The following FILIP1 variants were observed in gnomAD, a reference collection of about 807,000 sequenced individuals.
FILIP1 encodes the protein filamin A interacting protein 1, also known as filamin-A-interacting protein 1.
A neutral mutation model predicts 102.1 loss-of-function variants in FILIP1; 61 were observed. The observed-to-expected ratio is 0.60, with a 90% CI of 0.49 to 0.74. FILIP1 has a LOEUF of 0.74. Among genes scored for constraint, FILIP1 ranks in the 30% least tolerant of loss-of-function variants. The pLI is 0.00. For synonymous variants in FILIP1, 491 were observed against 526.9 expected (o/e 0.93, Z 0.93); for missense variants, 1,314 against 1,441.2 (o/e 0.91, Z 1.43).
Position 75,312,996 on chromosome 6 carries a change from C to T in FILIP1, c.2836G>A (p.Gly946Arg), listed in dbSNP as rs1773263417. Reference sequence around the variant, plus strand: ...ATGGTTATTCTTGGTTTCTGATTCCCTAAGGTAGGAATGACAGTGGTACTA... The same window carrying T: ...ATGGTTATTCTTGGTTTCTGATTCCTTAAGGTAGGAATGACAGTGGTACTA... ...FSSTTVIPTL[G>R]NQKPRITIIP... Residue 946 changes from glycine to arginine, a missense_variant, in exon 5 of 6, where the codon GGG becomes AGG. Gly to Arg is a moderately radical substitution (Grantham distance 125). Transcript: ENST00000237172. The T allele has an allele frequency of 2.5e-6, 4 of 1,614,086 alleles. No individual in the cohort carries two copies. The highest frequency in any genetic ancestry group is 1.7e-4 in the Middle Eastern group (1 of 6,060).
intron 6 of FILIP1, among the ~76,000 whole-genome samples, chr6:75,302,626 G>A (rs189597766): frequency 6.6e-6 from 1 of 152,142 alleles, no homozygotes; most frequent in Non-Finnish European, 1.5e-5. Context: ...TCAAGGAAGG[G>A]TGGCATGGCC....
intron 4 of FILIP1, among the ~76,000 whole-genome samples, chr6:75,326,126 T>TACAC (rs766233320): frequency 4.0e-3 from 597 of 149,642 alleles, no homozygotes; most frequent in African/African-American, 0.011. Context: ...TAGATAGATA[T>TACAC]ACACACACAC....
At chr6:75,295,938 A>G in exon 7 of FILIP1, 1 of 1,466,994 alleles carries the variant, frequency 6.8e-7, no homozygotes, top group Non-Finnish European at 9.0e-7. Flanking sequence ...TAACTGGTGA[A>G]TGATGATGCT....
chr6:75,376,391 G>C (rs1775753443), intron 2 of FILIP1, among the ~76,000 whole-genome samples: 2 of 152,104 alleles, frequency 1.3e-5, no homozygotes, highest in African/African-American at 4.8e-5. Flanking sequence ...GATTTTTCAT[G>C]GGCTAATGTA....
At chr6:75,492,645 A>G (rs1779997323) in intron 1 of FILIP1, among the ~76,000 whole-genome samples, 1 of 152,234 alleles carries the variant, frequency 6.6e-6, no homozygotes, top group Non-Finnish European at 1.5e-5. Context: ...GATTTCCTTT[A>G]CACTATAGTA....
rs188776132 is a variant in FILIP1 at position 75,349,878 on chromosome 6, A to G, written c.629+3661T>C. ...AAAGCCTCGGGGTCAGCCTCCTGCCAGCTCTCATAAGTAGATCTAATTATG... is the reference window on the plus strand; with the variant it reads ...AAAGCCTCGGGGTCAGCCTCCTGCCGGCTCTCATAAGTAGATCTAATTATG... On this transcript the variant is annotated intron_variant, in intron 4 of 5. Coordinates refer to ENST00000237172, the MANE Select transcript of FILIP1 (RefSeq NM_015687.5). Among the ~76,000 whole-genome samples the G allele has an allele frequency of 2.8e-4, 42 of 152,348 alleles. No homozygotes were observed. The East Asian group carries it at 3.9e-3, about 14-fold the overall frequency.
chr6:75,316,800 G>A (rs1773463795), intron 4 of FILIP1, among the ~76,000 whole-genome samples: 1 of 152,164 alleles, frequency 6.6e-6, no homozygotes, highest in South Asian at 2.1e-4. Context: ...ATCACTAAAT[G>A]TGGTCCTTAC....
intron 4 of FILIP1, among the ~76,000 whole-genome samples, chr6:75,333,510 A>G (rs973202711): frequency 6.6e-6 from 1 of 152,198 alleles, no homozygotes; most frequent in Admixed American, 6.5e-5. Context: ...GAATCCAGGA[A>G]GATCAATGTA....
chr6:75,441,226 C>T (rs1778207456), intron 1 of FILIP1, among the ~76,000 whole-genome samples: 1 of 151,722 alleles, frequency 6.6e-6, no homozygotes, highest in East Asian at 1.9e-4. Context: ...TAACAAAGCA[C>T]ATCTTGCACC....
At chr6:75,424,873 G>A (rs542364342) in intron 1 of FILIP1, among the ~76,000 whole-genome samples, 2 of 152,230 alleles carry the variant, frequency 1.3e-5, no homozygotes, top group East Asian at 3.9e-4. Flanking sequence ...ATGACTTCAT[G>A]TGTTCTAATC....
At chr6:75,482,610 TC>T (rs2149780228) in intron 1 of FILIP1, among the ~76,000 whole-genome samples, 2 of 152,346 alleles carry the variant, frequency 1.3e-5, no homozygotes, top group East Asian at 3.9e-4. Flanking sequence ...TAAGTCCAGC[TC>T]CCACTTAGTT....
At chr6:75,325,379 G>A (rs1487454780) in intron 4 of FILIP1, among the ~76,000 whole-genome samples, 4 of 152,122 alleles carry the variant, frequency 2.6e-5, no homozygotes, top group East Asian at 1.9e-4. Context: ...CCGAGATTGC[G>A]CCACTGCACT....
At chr6:75,380,319 A>T (rs763947120) in intron 2 of FILIP1, among the ~76,000 whole-genome samples, 8,076 of 152,194 alleles carry the variant, frequency 0.053, 291 homozygotes, top group Non-Finnish European at 0.076. Flanking sequence ...CTCAAAAGAA[A>T]AATGCCTGAA....
intron 4 of FILIP1, among the ~76,000 whole-genome samples, chr6:75,327,297 T>A (rs1167273691): frequency 6.6e-6 from 1 of 152,054 alleles, no homozygotes; most frequent in Non-Finnish European, 1.5e-5. Flanking sequence ...TCCATTGCTA[T>A]CCCCCTGGCC....
downstream of FILIP1, among the ~76,000 whole-genome samples, chr6:75,307,647 A>C (rs1167329761): frequency 2.0e-5 from 3 of 152,186 alleles, no homozygotes; most frequent in Non-Finnish European, 2.9e-5. Flanking sequence ...CATGCTTATT[A>C]AAACATGCCT....
chr6:75,401,000 G>A lies in FILIP1; in HGVS notation c.276+13697C>T, dbSNP rs551124783. 1.8e-3 allele frequency among the ~76,000 whole-genome samples: 263 copies of A among 149,454 alleles called. 2 individuals are homozygous for A. Among genetic ancestry groups the A allele is most frequent in the Non-Finnish European group, 1.6e-3 (105 of 67,048 alleles). On this transcript the variant is annotated intron_variant, in intron 2 of 5. Transcript: ENST00000237172. ...AGTTTGTACTTAACATCTATAAAGC[G>A]TTTAAGTGTCCTTTTTAAAAAAAAA...
chr6:75,352,592 C>T lies in FILIP1; in HGVS notation c.629+947G>A, dbSNP rs558372588. Reference sequence around the variant, plus strand: ...AGTTGGTTTGGTTTGTTTTTTTACCCCAAGTTTTAAAAGTTATGCAGCCCT... The same window carrying T: ...AGTTGGTTTGGTTTGTTTTTTTACCTCAAGTTTTAAAAGTTATGCAGCCCT... On this transcript the variant is annotated intron_variant, in intron 4 of 5. Coordinates refer to ENST00000237172, the MANE Select transcript of FILIP1 (RefSeq NM_015687.5). Among the ~76,000 whole-genome samples, 6 of 151,974 alleles carry T rather than the reference C, an allele frequency of 3.9e-5. No homozygotes were observed. The South Asian group carries it at 8.3e-4, about 21-fold the overall frequency.
At chr6:75,344,685 T>A (rs1236249137) in intron 4 of FILIP1, among the ~76,000 whole-genome samples, 1 of 152,254 alleles carries the variant, frequency 6.6e-6, no homozygotes, top group African/African-American at 2.4e-5. Flanking sequence ...TCTAACTGGT[T>A]GTGACCAGCA....
At chr6:75,428,379 T>C (rs1211302354) in intron 1 of FILIP1, 3 of 153,780 alleles carry the variant, frequency 2.0e-5, no homozygotes, top group Non-Finnish European at 2.9e-5. Context: ...AGCTTCAGTG[T>C]ACCTCAGAAT....
Sources: allele counts gnomAD v4.1 joint callset (sites outside exome capture counted in the v4.1 genomes callset), GRCh38; gene constraint gnomAD v4.1.1; transcripts MANE v1.5; gene names NCBI Gene and HGNC (gene_info 2026-07-23, HGNC 2026-07-21).